COL23A1: variants seen among roughly 807,000 people sequenced by gnomAD.
The protein encoded by COL23A1 is collagen alpha-1(XXIII) chain.
Under a neutral mutation model 99.3 loss-of-function variants are expected in COL23A1, and 97 were observed. The observed-to-expected ratio is 0.98, with a 90% CI of 0.83 to 1.16. COL23A1 has a LOEUF of 1.16. Ranked by LOEUF, COL23A1 falls within the 50% of genes most tolerant of loss-of-function variation. COL23A1 has a pLI of 0.00. For synonymous variants in COL23A1, 320 were observed against 308.2 expected (o/e 1.04, Z -0.40); for missense variants, 762 against 757.4 (o/e 1.01, Z -0.07).
intron 2 of COL23A1, among the ~76,000 whole-genome samples, chr5:178,432,799 C>T (rs1175736008): frequency 2.0e-5 from 3 of 152,136 alleles, no homozygotes; most frequent in Admixed American, 6.5e-5. Flanking sequence ...TGCCCCAGGG[C>T]CCTCCCCTGC....
At chr5:178,528,672 T>C (rs1181115185) in intron 2 of COL23A1, among the ~76,000 whole-genome samples, 1 of 152,156 alleles carries the variant, frequency 6.6e-6, no homozygotes, top group East Asian at 1.9e-4. Context: ...TAGCAGGGCA[T>C]AGTGGCACGT....
chr5:178,509,572 A>G (rs560361538), intron 2 of COL23A1, among the ~76,000 whole-genome samples: 1 of 152,204 alleles, frequency 6.6e-6, no homozygotes, highest in South Asian at 2.1e-4. Context: ...ATTGAAATTG[A>G]AAAACAAAGC....
chr5:178,426,404 C>G lies in COL23A1; in HGVS notation c.362-119485G>C, dbSNP rs545965276. Among the ~76,000 whole-genome samples, 4 of 152,282 alleles carry G rather than the reference C, an allele frequency of 2.6e-5. No homozygotes were observed. In the South Asian group the frequency reaches 8.3e-4, roughly 32 times the overall value. On this transcript the variant is annotated intron_variant, in intron 2 of 28. Transcript: ENST00000390654. Reference sequence around the variant, plus strand: ...GTTGCTTCTTCACCTCTGTGTTTACCATGTCTAGTGGCTGCCCCATTGGGA... The same window carrying G: ...GTTGCTTCTTCACCTCTGTGTTTACGATGTCTAGTGGCTGCCCCATTGGGA...
At chr5:178,518,422 A>G (rs1268785553) in intron 2 of COL23A1, among the ~76,000 whole-genome samples, 1 of 148,944 alleles carries the variant, frequency 6.7e-6, no homozygotes, top group African/African-American at 2.5e-5. Context: ...CACACCTCCC[A>G]GACGGGGTGG....
Position 178,268,729 on chromosome 5 carries a change from C to A in COL23A1, c.495+1G>T, listed in dbSNP as rs913389410. 1 of 1,603,806 alleles carries A rather than the reference C, an allele frequency of 6.2e-7. No homozygotes were observed. Among genetic ancestry groups the A allele is most frequent in the African/African-American group, 1.3e-5 (1 of 74,960 alleles). On this transcript the variant is annotated splice_donor_variant, in intron 7 of 28. Transcript: ENST00000390654. LOFTEE classifies it high-confidence loss of function. ...TCTGCACAGCCTCTGGCATCACTTA[C>A]CTTTTCCCCTTTCGGGCCTGGAAGT...
chr5:178,253,781 G>A (rs1190105671), intron 16 of COL23A1, among the ~76,000 whole-genome samples: 1 of 151,974 alleles, frequency 6.6e-6, no homozygotes, highest in South Asian at 2.1e-4. Context: ...GCGCCCGGCC[G>A]TGTTTTTATT....
At position 178,468,832 on chromosome 5, in the gene COL23A1, G is replaced by A. The variant is rs758622525; in HGVS notation, c.361+91850C>T. Among the ~76,000 whole-genome samples, 3 of 152,100 alleles carry A rather than the reference G, an allele frequency of 2.0e-5. No homozygotes were observed. The highest frequency in any genetic ancestry group is 4.4e-5 in the Non-Finnish European group (3 of 68,016). On this transcript the variant is annotated intron_variant, in intron 2 of 28. Transcript: ENST00000390654. This position sits in a 1 kb window ranked among gnomAD's most constrained non-coding sequence, Gnocchi z 4.2. ...GTGCATCAGGTGCATTCACACTGCT[G>A]TGCAGCCATCAGCACCCTCCACCTC...
At chr5:178,294,898 T>C (rs911712063) in intron 3 of COL23A1, among the ~76,000 whole-genome samples, 1 of 152,174 alleles carries the variant, frequency 6.6e-6, no homozygotes, top group Non-Finnish European at 1.5e-5. Flanking sequence ...TCCCAGCACT[T>C]TGGGAGGCCG....
chr5:178,238,817 C>G (rs558221220), intron 28 of COL23A1, 117 bp from the exon 29 acceptor site: 124 of 1,384,944 alleles, frequency 9.0e-5, no homozygotes, highest in East Asian at 5.2e-4. Flanking sequence ...TCCCTCCCCC[C>G]ACTCCCTCTC....
Position 178,578,139 on chromosome 5 carries a change from GCA to G in COL23A1, c.294+11763_294+11764del, listed in dbSNP as rs563486933. Among the ~76,000 whole-genome samples, 314 of 150,630 alleles carry G rather than the reference GCA, an allele frequency of 2.1e-3. 3 individuals are homozygous for G. The Middle Eastern group carries it at 0.028, about 13-fold the overall frequency. On this transcript the variant is annotated intron_variant, in intron 1 of 28. Transcript: ENST00000390654. ...CATTCATGCACACACACACATGCATGCACACACATGCACACACAGGCATACTT... is the reference window on the plus strand; with the variant it reads ...CATTCATGCACACACACACATGCATGCACACATGCACACACAGGCATACTT...
At chr5:178,266,357 TTGTG>T (rs776692915) in intron 8 of COL23A1, among the ~76,000 whole-genome samples, 1 of 151,738 alleles carries the variant, frequency 6.6e-6, no homozygotes, top group Non-Finnish European at 1.5e-5. Context: ...CCACTAAACT[TTGTG>T]TGTGCATGTG....
intron 6 of COL23A1, 22 bp downstream of exon 6, chr5:178,270,315 G>A: frequency 6.2e-7 from 1 of 1,613,682 alleles, no homozygotes; most frequent in Non-Finnish European, 8.5e-7. Context: ...GGACCCCCTG[G>A]AATTGCCCTG....
intron 2 of COL23A1, among the ~76,000 whole-genome samples, chr5:178,322,942 C>T (rs1380004934): frequency 6.6e-6 from 1 of 152,226 alleles, no homozygotes; most frequent in Non-Finnish European, 1.5e-5. Flanking sequence ...TCCCTGGCAG[C>T]TCAGGGGTGC....
In COL23A1 at chr5:178,460,485, G is replaced by T. The variant is rs181491763; in HGVS notation, c.361+100197C>A. On this transcript the variant is annotated intron_variant, in intron 2 of 28. Coordinates refer to ENST00000390654, the MANE Select transcript of COL23A1 (RefSeq NM_173465.4). ...CTAATAACCTGTTCATCCAAACTGG[G>T]AAACATCATCTGGGCTCTCAGAAGA... is the stretch of plus-strand genomic sequence containing the variant. Among the ~76,000 whole-genome samples, 323 of 152,126 alleles carry T rather than the reference G, an allele frequency of 2.1e-3. 2 individuals are homozygous for T. The highest frequency in any genetic ancestry group is 7.5e-3 in the African/African-American group (313 of 41,496).
intron 2 of COL23A1, among the ~76,000 whole-genome samples, chr5:178,474,883 G>T (rs1205234258): frequency 6.6e-6 from 1 of 152,228 alleles, no homozygotes; most frequent in African/African-American, 2.4e-5. Context: ...CTGTCTCATT[G>T]TTCTGGAGGA....
chr5:178,497,179 T>C (rs919841724), intron 2 of COL23A1, among the ~76,000 whole-genome samples: 6 of 152,194 alleles, frequency 3.9e-5, no homozygotes, highest in African/African-American at 1.2e-4. Context: ...ACCCACTACA[T>C]AGAAAACAAA....
chr5:178,374,844 C>G (rs1762986872), intron 2 of COL23A1, among the ~76,000 whole-genome samples: 1 of 152,276 alleles, frequency 6.6e-6, no homozygotes, highest in East Asian at 1.9e-4. Flanking sequence ...CAGAGTTACC[C>G]TGAGACTCAG....
At chr5:178,502,614 C>T (rs1171307347) in intron 2 of COL23A1, among the ~76,000 whole-genome samples, 1 of 152,168 alleles carries the variant, frequency 6.6e-6, no homozygotes, top group South Asian at 2.1e-4. Context: ...GAAGTTCATC[C>T]ACATCAAGTG....
chr5:178,583,304 C>T (rs1763754131), intron 1 of COL23A1, among the ~76,000 whole-genome samples: 1 of 152,240 alleles, frequency 6.6e-6, no homozygotes, highest in Admixed American at 6.5e-5. Flanking sequence ...TGGAATTTCT[C>T]TAGAACACAG....
Sources: gnomAD v4.1 joint callset for allele counts (sites outside exome capture counted in the v4.1 genomes callset) on GRCh38, gnomAD v4.1.1 for gene constraint, Gnocchi (gnomAD v3.1) non-coding constraint, MANE v1.5 for transcripts, NCBI Gene and HGNC (gene_info 2026-07-23, HGNC 2026-07-21) for gene names.